Variants in PACRG observed in about 807,000 individuals in gnomAD.
PACRG encodes the protein parkin coregulated gene protein.
PACRG carries 29 observed loss-of-function variants against 29.7 expected under a neutral mutation model. The observed-to-expected ratio is 0.98, with a 90% CI of 0.73 to 1.33. The LOEUF is 1.33. Ranked by LOEUF, PACRG falls within the 40% of genes most tolerant of loss-of-function variation. The pLI is 0.00. For synonymous variants in PACRG, 116 were observed against 118.7 expected (o/e 0.98, Z 0.15); for missense variants, 279 against 316.2 (o/e 0.88, Z 0.89).
chr6:163,269,292 C>T (rs1033164169), intron 4 of PACRG, among the ~76,000 whole-genome samples: 6 of 152,224 alleles, frequency 3.9e-5, no homozygotes, highest in Admixed American at 2.6e-4. Context: ...GATCCCTTCC[C>T]ATCCCTGGCC....
intron 3 of PACRG, among the ~76,000 whole-genome samples, chr6:163,063,222 G>A (rs1160831183): frequency 6.6e-6 from 1 of 152,128 alleles, no homozygotes; most frequent in African/African-American, 2.4e-5. Context: ...CTGCAGATGA[G>A]GGAGACCCTA....
At chr6:163,216,316 C>T (rs753226673) in intron 4 of PACRG, among the ~76,000 whole-genome samples, 1 of 152,026 alleles carries the variant, frequency 6.6e-6, no homozygotes, top group African/African-American at 2.4e-5. Context: ...GGCTGGAAAC[C>T]GAGGGGCTTG....
intron 1 of PACRG, among the ~76,000 whole-genome samples, chr6:162,730,253 A>G (rs934972254): frequency 2.6e-5 from 4 of 152,156 alleles, no homozygotes; most frequent in Non-Finnish European, 5.9e-5. Context: ...AAAATTTTCA[A>G]TTTCATAACC....
chr6:162,820,048 T>C (rs1787707096), intron 2 of PACRG, among the ~76,000 whole-genome samples: 1 of 152,224 alleles, frequency 6.6e-6, no homozygotes. Flanking sequence ...CTCTTTAGGT[T>C]ATACACGAAT....
At chr6:162,862,690 A>G (rs765985917) in intron 2 of PACRG, among the ~76,000 whole-genome samples, 2 of 152,176 alleles carry the variant, frequency 1.3e-5, no homozygotes, top group Non-Finnish European at 1.5e-5. Context: ...TACGTTTCTC[A>G]ACCCTCATCC....
At chr6:162,964,640 C>T (rs1250163058) in intron 2 of PACRG, among the ~76,000 whole-genome samples, 1 of 152,096 alleles carries the variant, frequency 6.6e-6, no homozygotes, top group Non-Finnish European at 1.5e-5. Flanking sequence ...GACATGAATG[C>T]GTTAGGAGGC....
chr6:162,889,538 A>C (rs1334083049), intron 2 of PACRG, among the ~76,000 whole-genome samples: 2 of 152,244 alleles, frequency 1.3e-5, no homozygotes, highest in African/African-American at 2.4e-5. Context: ...GCCTTGTCAG[A>C]ACAATGCTCT....
chr6:162,982,404 T>G (rs1802513758), intron 2 of PACRG, among the ~76,000 whole-genome samples: 1 of 151,594 alleles, frequency 6.6e-6, no homozygotes, highest in South Asian at 2.1e-4. Flanking sequence ...AATTGTCTAT[T>G]TGTGCTCTTT....
At chr6:162,926,931 T>C (rs1797485527) in intron 2 of PACRG, among the ~76,000 whole-genome samples, 1 of 152,114 alleles carries the variant, frequency 6.6e-6, no homozygotes, top group African/African-American at 2.4e-5. Flanking sequence ...ATATGCGGAA[T>C]TTACAAGGAA....
chr6:163,292,334 A>G (rs970125256), intron 4 of PACRG, among the ~76,000 whole-genome samples: 1 of 152,220 alleles, frequency 6.6e-6, no homozygotes, highest in African/African-American at 2.4e-5. Flanking sequence ...CATTTGCACT[A>G]AAATGAAGCA....
chr6:162,936,148 A>G (rs577941335), intron 2 of PACRG, among the ~76,000 whole-genome samples: 2 of 152,282 alleles, frequency 1.3e-5, no homozygotes, highest in South Asian at 2.1e-4. Flanking sequence ...TTATAAAACC[A>G]TCAGATCTTG....
At chr6:162,995,425 G>A (rs1189277072) in intron 2 of PACRG, among the ~76,000 whole-genome samples, 1 of 152,192 alleles carries the variant, frequency 6.6e-6, no homozygotes, top group Non-Finnish European at 1.5e-5. Context: ...AGAGCCAGGT[G>A]TGGGATATAG....
At chr6:162,824,701 A>AT (rs796407117) in intron 2 of PACRG, among the ~76,000 whole-genome samples, 6 of 152,316 alleles carry the variant, frequency 3.9e-5, no homozygotes, top group African/African-American at 1.4e-4. Flanking sequence ...TTGTCTATTC[A>AT]TAAAGGAATT....
intron 4 of PACRG, among the ~76,000 whole-genome samples, chr6:163,252,024 A>G (rs565654848): frequency 6.6e-6 from 1 of 152,338 alleles, no homozygotes; most frequent in South Asian, 2.1e-4. Context: ...ACAGCTAAGC[A>G]CGGTGTCTCT....
rs1434875028 is a variant in PACRG at position 162,757,694 on chromosome 6, G to A, written c.156+29303G>A. 3.9e-5 allele frequency among the ~76,000 whole-genome samples: 6 copies of A among 152,022 alleles called. No individual in the cohort carries two copies. The South Asian group carries it at 6.2e-4, about 16-fold the overall frequency. Reference sequence around the variant, plus strand: ...TGCACTCCAGCCTGGATGGCAGAGCGAGACTCTGTCTAAAAAATAAATAAA... The same window carrying A: ...TGCACTCCAGCCTGGATGGCAGAGCAAGACTCTGTCTAAAAAATAAATAAA... On this transcript the variant is annotated intron_variant, in intron 1 of 4. Coordinates refer to ENST00000366888, the MANE Select transcript of PACRG (RefSeq NM_001080379.2).
chr6:163,121,807 T>C (rs1187475894), intron 4 of PACRG, among the ~76,000 whole-genome samples: 1 of 151,626 alleles, frequency 6.6e-6, no homozygotes, highest in Non-Finnish European at 1.5e-5. Flanking sequence ...GGACCACAGG[T>C]ACCCGCCACC....
chr6:162,915,286 A>G (rs1233038545), intron 2 of PACRG, among the ~76,000 whole-genome samples: 2 of 151,276 alleles, frequency 1.3e-5, no homozygotes, highest in Non-Finnish European at 3.0e-5. Flanking sequence ...TTTTTTTTAG[A>G]CCAGGGGTAG....
At chr6:163,227,684 G>A (rs972690165) in intron 4 of PACRG, among the ~76,000 whole-genome samples, 14 of 152,164 alleles carry the variant, frequency 9.2e-5, no homozygotes, top group African/African-American at 3.1e-4. Flanking sequence ...TAACACCCAG[G>A]TCCAGCAAAC....
chr6:163,074,477 G>A (rs372172246), intron 3 of PACRG, among the ~76,000 whole-genome samples: 102 of 152,210 alleles, frequency 6.7e-4, no homozygotes, highest in African/African-American at 1.5e-3. Flanking sequence ...GAAATAGTAC[G>A]ACCTAGTATT....
Sources: allele counts gnomAD v4.1 joint callset (sites outside exome capture counted in the v4.1 genomes callset), GRCh38; gene constraint gnomAD v4.1.1; transcripts MANE v1.5; gene names NCBI Gene and HGNC (gene_info 2026-07-23, HGNC 2026-07-21).